NHSL2: variants seen among roughly 807,000 people sequenced by gnomAD.
The protein encoded by NHSL2 is NHS-like protein 2.
NHSL2 carries 27 observed loss-of-function variants against 53.4 expected under a neutral mutation model. The ratio of observed to expected loss-of-function variants is 0.51; its 90% CI spans 0.37 to 0.70. The LOEUF is 0.70. Ranked by LOEUF, NHSL2 falls within the 30% of genes least tolerant of loss-of-function variation. The pLI is 0.00. For synonymous variants in NHSL2, 408 were observed against 404.1 expected (o/e 1.01, Z -0.12); for missense variants, 892 against 980.1 (o/e 0.91, Z 1.20).
chrX:72,120,821 T>A (rs1330725878), intron 1 of NHSL2, among the ~76,000 whole-genome samples: 1 of 112,900 alleles, frequency 8.9e-6, no homozygotes, highest in Non-Finnish European at 1.9e-5. Flanking sequence ...ACCAGCTTCT[T>A]TATTAGCCAG....
intron 1 of NHSL2, among the ~76,000 whole-genome samples, chrX:72,098,885 G>A (rs915628649): frequency 2.7e-5 from 3 of 111,764 alleles, no homozygotes; most frequent in Non-Finnish European, 5.6e-5. Flanking sequence ...AGTTACTTGT[G>A]TGTCCTTGCA....
chrX:72,137,566 G>T (rs1431916336), intron 5 of NHSL2, among the ~76,000 whole-genome samples: 1 of 111,916 alleles, frequency 8.9e-6, no homozygotes, highest in Non-Finnish European at 1.9e-5. Context: ...CTACCATTAA[G>T]TGAATGCTGG....
intron 1 of NHSL2, among the ~76,000 whole-genome samples, chrX:71,931,481 T>C (rs1481123848): frequency 8.9e-6 from 1 of 112,127 alleles, no homozygotes; most frequent in Middle Eastern, 4.2e-3. Flanking sequence ...CTTTTAGGAG[T>C]TTTATAGTTT....
intron 1 of NHSL2, among the ~76,000 whole-genome samples, chrX:71,991,818 T>TTCTCTCTCTCTCTCTCTC (rs59851052): frequency 9.6e-4 from 96 of 99,865 alleles, no homozygotes; most frequent in African/African-American, 3.3e-3. Context: ...GTCTTTCTCT[T>TTCTCTCTCTCTCTCTCTC]TCTCTCTCTC....
At chrX:72,039,535 G>A (rs150573338) in intron 1 of NHSL2, among the ~76,000 whole-genome samples, 3,100 of 111,486 alleles carry the variant, frequency 0.028, 104 homozygotes, top group African/African-American at 0.097. Context: ...CAATAATCCC[G>A]ATGATGTGGT....
chrX:72,142,356 G>A lies in NHSL2; in HGVS notation c.3348G>A (p.Val1116=). 8.6e-7 allele frequency: 1 copy of A among 1,158,079 alleles called. No homozygotes were observed. Among genetic ancestry groups the A allele is most frequent in the Non-Finnish European group, 1.2e-6 (1 of 866,374 alleles). Residue 1116 remains valine, a synonymous_variant, in exon 7 of 8, where the codon GTG becomes GTA. Transcript: ENST00000633930. ...ASRTTEDLFT[V]IHRSKRKLLG... is the part of the protein sequence containing the mutation. ...GCACAACTGAAGATTTATTTACTGTGATACACAGGTCTGCACCAATTTCCT... is the reference window on the plus strand; with the variant it reads ...GCACAACTGAAGATTTATTTACTGTAATACACAGGTCTGCACCAATTTCCT...
At chrX:71,935,301 G>A (rs2041732593) in intron 1 of NHSL2, among the ~76,000 whole-genome samples, 1 of 112,592 alleles carries the variant, frequency 8.9e-6, no homozygotes, top group South Asian at 3.7e-4. Flanking sequence ...CTGGGAGGGG[G>A]TCAGCAGCAA....
At chrX:71,916,287 G>T (rs182271755) in intron 1 of NHSL2, among the ~76,000 whole-genome samples, 5 of 112,210 alleles carry the variant, frequency 4.5e-5, no homozygotes, top group African/African-American at 1.3e-4. Flanking sequence ...GAACAAGAAA[G>T]TAACATTATT....
intron 1 of NHSL2, among the ~76,000 whole-genome samples, chrX:71,928,925 A>G (rs1447146002): frequency 2.7e-5 from 3 of 112,157 alleles, no homozygotes; most frequent in Non-Finnish European, 5.6e-5. Flanking sequence ...TCCTGGAGAT[A>G]TAATTGAGTA....
chrX:72,069,832 C>T, intron 1 of NHSL2: 1 of 509,071 alleles, frequency 2.0e-6, no homozygotes, highest in Non-Finnish European at 2.7e-6. Flanking sequence ...GGCCCCTGAC[C>T]CTTGGCGTGA....
chrX:72,082,513 C>G (rs906268309), intron 1 of NHSL2, among the ~76,000 whole-genome samples: 20 of 111,952 alleles, frequency 1.8e-4, no homozygotes, highest in African/African-American at 6.5e-4. Context: ...AGGTGGGTAC[C>G]ATCCTTACCC....
At chrX:71,964,065 A>ATG (rs2041889498) in intron 1 of NHSL2, among the ~76,000 whole-genome samples, 1 of 88,782 alleles carries the variant, frequency 1.1e-5, no homozygotes, top group Non-Finnish European at 2.2e-5. Context: ...ATGTGTATAT[A>ATG]TATATTATTA....
rs2042472425 is a variant in NHSL2 at position 72,147,374 on chromosome X, G to T, written c.*3800G>T. 1 of 112,119 alleles carries T rather than the reference G, an allele frequency of 8.9e-6. No individual in the cohort carries two copies. The highest frequency in any genetic ancestry group is 3.2e-5 in the African/African-American group (1 of 30,839). 9.2% of individuals were successfully genotyped at this position (112,119 alleles called of 1,213,427 possible). On this transcript the variant is annotated 3_prime_UTR_variant, in exon 8 of 8. Coordinates refer to ENST00000633930, the MANE Select transcript of NHSL2 (RefSeq NM_001013627.3). ...TGCCTTACCCTCGTCCCAGCCCTGT[G>T]ATTTGCACTCTTTAAAGTAATATCA...
intron 1 of NHSL2, among the ~76,000 whole-genome samples, chrX:72,125,556 G>A (rs1002710227): frequency 8.9e-6 from 1 of 111,843 alleles, no homozygotes; most frequent in African/African-American, 3.3e-5. Flanking sequence ...TGGAATCCAG[G>A]GTTCTTTTCC....
intron 1 of NHSL2, among the ~76,000 whole-genome samples, chrX:72,034,286 G>T (rs1450426853): frequency 8.9e-6 from 1 of 111,931 alleles, no homozygotes; most frequent in Non-Finnish European, 1.9e-5. Flanking sequence ...ATACCCACTT[G>T]GTCATGGTGT....
chrX:71,941,761 T>A (rs2041766880), intron 1 of NHSL2, among the ~76,000 whole-genome samples: 1 of 112,231 alleles, frequency 8.9e-6, no homozygotes, highest in African/African-American at 3.2e-5. Context: ...GGAGATGGGA[T>A]CTGAACTCCA....
At chrX:72,040,396 G>A (rs1289341324) in intron 1 of NHSL2, among the ~76,000 whole-genome samples, 7 of 112,262 alleles carry the variant, frequency 6.2e-5, no homozygotes, top group African/African-American at 1.3e-4. Context: ...TGACCTAGAG[G>A]TACCTTGTTT....
chrX:72,109,870 G>A (rs1418828462), intron 1 of NHSL2, among the ~76,000 whole-genome samples: 7 of 111,649 alleles, frequency 6.3e-5, no homozygotes. Flanking sequence ...CAATTCTGGT[G>A]GCCTCTCAGC....
chrX:71,952,114 A>G (rs1381340155), intron 1 of NHSL2, among the ~76,000 whole-genome samples: 3 of 112,374 alleles, frequency 2.7e-5, no homozygotes, highest in African/African-American at 9.7e-5. Flanking sequence ...TTGTCTGTCT[A>G]TCAAGCAGTT....
Sources: allele counts gnomAD v4.1 joint callset (sites outside exome capture counted in the v4.1 genomes callset), GRCh38; gene constraint gnomAD v4.1.1; transcripts MANE v1.5; gene names NCBI Gene and HGNC (gene_info 2026-07-23, HGNC 2026-07-21).